USP42: variants seen among roughly 807,000 people sequenced by gnomAD.
USP42 encodes ubiquitin specific peptidase 42, also known as ubiquitin carboxyl-terminal hydrolase 42.
In USP42, 23 loss-of-function variants were observed where a neutral mutation model predicts 113.0. The ratio of observed to expected loss-of-function variants is 0.20; its 90% confidence interval spans 0.15 to 0.29. The LOEUF is 0.29. Among genes scored for constraint, USP42 ranks in the 10% least tolerant of loss-of-function variants. The probability of loss-of-function intolerance (pLI) is 1.00; values close to 1 mark genes in which losing one functional copy is unlikely to be tolerated. For missense variants in USP42, 2,174 were observed against 1,779.8 expected (o/e 1.22, Z -3.99); for synonymous variants, 933 against 699.0 (o/e 1.33, Z -5.28).
chr7:6,157,596 C>T lies in USP42; in HGVS notation c.3943+541C>T, dbSNP rs2128526767. Among the ~76,000 whole-genome samples, 1 of 152,274 alleles carries T rather than the reference C, an allele frequency of 6.6e-6. No homozygotes were observed. Among genetic ancestry groups the T allele is most frequent in the East Asian group, 1.9e-4 (1 of 5,186 alleles). The stretch of plus-strand genomic sequence containing the variant: ...TGTTTTTAGTAGAGACGGTGTTTCA[C>T]CGTGTTAGCCAGGATGGTCTCGAGA... On this transcript the variant is annotated intron_variant, in intron 16 of 17. Transcript: ENST00000306177. The surrounding 1 kb of genome is among the most constrained non-coding windows in gnomAD (Gnocchi z 4.1).
the USP42 span, among the ~76,000 whole-genome samples, chr7:6,097,250 T>C: frequency 6.6e-6 from 1 of 151,026 alleles, no homozygotes; most frequent in African/African-American, 2.5e-5. Flanking sequence ...TAAAACGGTG[T>C]TTTCCAGGCC....
intron 3 of USP42, among the ~76,000 whole-genome samples, chr7:6,126,808 G>A (rs1780572017): frequency 6.6e-6 from 1 of 152,048 alleles, no homozygotes; most frequent in South Asian, 2.1e-4. Context: ...TTTGGGATAT[G>A]GTGAGTGGAG....
rs6973832 is a variant in USP42 at position 6,139,300 on chromosome 7, G to A, written c.656+106G>A. The A allele has an allele frequency of 0.2, 171,179 of 865,002 alleles. 29,510 individuals carry two copies. Among genetic ancestry groups the A allele is most frequent in the East Asian group, 0.76 (26,418 of 34,828 alleles). 53.6% of individuals were successfully genotyped at this position (865,002 alleles called of 1,614,324 possible). A position where few individuals can be genotyped will look rare whatever the true frequency, so the allele number is the denominator to read the frequency against. ...TTTTTTGTTGGAAGCACACAGAACAGTGTTCACTTTACCTTTTGGCTTTGC... is the reference window on the plus strand; with the variant it reads ...TTTTTTGTTGGAAGCACACAGAACAATGTTCACTTTACCTTTTGGCTTTGC... On this transcript the variant is annotated intron_variant, in intron 5 of 17. Transcript: ENST00000306177. The surrounding 1 kb of genome is among the most constrained non-coding windows in gnomAD (Gnocchi z 4.5).
intron 12 of USP42, among the ~76,000 whole-genome samples, chr7:6,149,019 G>A (rs952938448): frequency 7.9e-5 from 12 of 152,220 alleles, no homozygotes; most frequent in Non-Finnish European, 1.6e-4. Flanking sequence ...CACGTGATCT[G>A]TTAACTGACT....
At chr7:6,115,559 G>A (rs1779865249) in intron 3 of USP42, 36 bp downstream of exon 3, 1 of 1,600,190 alleles carries the variant, frequency 6.2e-7, no homozygotes, top group Admixed American at 1.7e-5. Context: ...GTATTGTAGT[G>A]CGCTAACCTA....
Position 6,156,930 on chromosome 7 carries a change from C to A in USP42, c.3818C>A (p.Ala1273Asp). The A allele has an allele frequency of 6.2e-7, 1 of 1,613,908 alleles. No individual in the cohort carries two copies. Among genetic ancestry groups the A allele is most frequent in the Non-Finnish European group, 8.5e-7 (1 of 1,179,850 alleles). Residue 1273 changes from alanine (A) to aspartate (D), a missense_variant, in exon 16 of 18, where the codon GCC becomes GAC. Physicochemically the swap from Ala to Asp is moderately radical, Grantham distance 126. Transcript: ENST00000306177. ...SLETVAQFRR[A>D]QGGFPLSGGP... ...GAGACTGTCGCCCAGTTCCGGAGAG[C>A]CCAGGGTGGCTTTCCTCTCTCTGGT...
intron 3 of USP42, among the ~76,000 whole-genome samples, chr7:6,132,487 A>T (rs1780903974): frequency 6.6e-6 from 1 of 151,140 alleles, no homozygotes; most frequent in African/African-American, 2.4e-5. Flanking sequence ...CCTCCTGAGT[A>T]GCTGGGGTTA....
intron 3 of USP42, among the ~76,000 whole-genome samples, chr7:6,120,746 G>C (rs1387114190): frequency 6.6e-6 from 1 of 151,372 alleles, no homozygotes; most frequent in Admixed American, 6.6e-5. Context: ...ATCATGCCCG[G>C]CTAATTTTTG....
At position 6,154,572 on chromosome 7, in the gene USP42, C is replaced by G; in HGVS notation, c.3018C>G (p.Leu1006=). Residue 1006 remains leucine, a synonymous_variant, in exon 15 of 18, where the codon CTC becomes CTG. Transcript: ENST00000306177. ...PEHHPGHGDR[L]SPGERRSLGR... Reference sequence around the variant, plus strand: ...ACCACCCCGGCCACGGCGACAGGCTCAGCCCTGGCGAGCGCCGCTCTCTGG... The same window carrying G: ...ACCACCCCGGCCACGGCGACAGGCTGAGCCCTGGCGAGCGCCGCTCTCTGG... 6.4e-7 allele frequency: 1 copy of G among 1,559,240 alleles called. No homozygotes were observed. Among genetic ancestry groups the G allele is most frequent in the Middle Eastern group, 1.7e-4 (1 of 5,930 alleles).
chr7:6,152,294 C>T (rs897606576), intron 14 of USP42, among the ~76,000 whole-genome samples: 4 of 152,078 alleles, frequency 2.6e-5, no homozygotes, highest in African/African-American at 9.7e-5. Flanking sequence ...TCATGGCGAA[C>T]AACTTCTGGT....
At chr7:6,113,161 C>T (rs900132472) in intron 2 of USP42, among the ~76,000 whole-genome samples, 12 of 152,022 alleles carry the variant, frequency 7.9e-5, no homozygotes, top group Admixed American at 6.6e-5. Context: ...TCCCAGAGTG[C>T]TGGGATTACA....
At chr7:6,085,754 A>G in the USP42 span, among the ~76,000 whole-genome samples, 1 of 150,550 alleles carries the variant, frequency 6.6e-6, no homozygotes, top group African/African-American at 2.5e-5. Flanking sequence ...ATCTGGCACT[A>G]CTGGCATGTG....
chr7:6,150,326 G>A, intron 13 of USP42, 24 bp downstream of exon 13: 2 of 1,611,576 alleles, frequency 1.2e-6, no homozygotes, highest in South Asian at 1.1e-5. Context: ...AGGGTCTTCA[G>A]CCTCGTTTGT....
chr7:6,147,642 T>C (rs1781790692), intron 11 of USP42, 97 bp from the exon 12 acceptor site: 8 of 1,398,716 alleles, frequency 5.7e-6, no homozygotes, highest in Admixed American at 2.7e-5. Context: ...TTTCATCAGG[T>C]TTCCGCCTGA....
In USP42 at chr7:6,159,376, C is replaced by G. The variant is rs369549903; in HGVS notation, c.3944-74C>G. ...AGTGACTCTGACCATAGCCACTTAA[C>G]GCACACACACAGCAGAGGCCCTGGC... On this transcript the variant is annotated intron_variant, in intron 16 of 17. Coordinates refer to ENST00000306177, the MANE Select transcript of USP42 (RefSeq NM_032172.3). This position sits in a 1 kb window ranked among gnomAD's most constrained non-coding sequence, Gnocchi z 4.1. The G allele has an allele frequency of 2.4e-5, 38 of 1,601,188 alleles. No homozygotes were observed. In the South Asian group the frequency reaches 4.2e-4, roughly 18 times the overall value.
chr7:6,140,589 G>A (rs996689360), intron 6 of USP42, among the ~76,000 whole-genome samples: 35 of 152,162 alleles, frequency 2.3e-4, no homozygotes, highest in African/African-American at 8.0e-4. Flanking sequence ...TTATGTCTGG[G>A]TAAAAATGTA....
At chr7:6,128,985 T>A (rs1780693439) in intron 3 of USP42, among the ~76,000 whole-genome samples, 1 of 152,102 alleles carries the variant, frequency 6.6e-6, no homozygotes. Context: ...CATGCCTGGC[T>A]AATTTTTGTA....
intron 12 of USP42, 79 bp downstream of exon 12, chr7:6,147,971 G>A (rs1781818843): frequency 1.4e-6 from 2 of 1,393,944 alleles, no homozygotes; most frequent in African/African-American, 1.4e-5. Context: ...GAATTGTAGT[G>A]GTTGCTGTGT....
At chr7:6,120,900 T>C (rs1325376594) in intron 3 of USP42, among the ~76,000 whole-genome samples, 2 of 152,236 alleles carry the variant, frequency 1.3e-5, no homozygotes, top group Admixed American at 6.5e-5. Context: ...AATATTTTCA[T>C]TAACTATTAC....
Sources: gnomAD v4.1 joint callset for allele counts (sites outside exome capture counted in the v4.1 genomes callset) on GRCh38, gnomAD v4.1.1 for gene constraint, Gnocchi (gnomAD v3.1) non-coding constraint, MANE v1.5 for transcripts, NCBI Gene and HGNC (gene_info 2026-07-23, HGNC 2026-07-21) for gene names.